Variants in GAS2 observed in about 807,000 individuals in gnomAD.
GAS2 encodes growth arrest-specific protein 2.
GAS2 carries 20 observed loss-of-function variants against 37.5 expected under a neutral mutation model. That is an observed-to-expected ratio of 0.53 (90% confidence interval 0.37 to 0.77). The LOEUF (loss-of-function observed/expected upper bound fraction) is 0.77, where lower values mean the gene tolerates loss of function less well. Ranked by LOEUF, GAS2 falls within the 30% of genes least tolerant of loss-of-function variation. GAS2 has a pLI of 0.00. For synonymous variants in GAS2, 144 were observed against 132.2 expected (o/e 1.09, Z -0.61); for missense variants, 336 against 373.4 (o/e 0.90, Z 0.82).
At position 22,789,423 on chromosome 11, in the gene GAS2, GAGATAT is replaced by G. The variant is rs1356733790; in HGVS notation, c.724-22373_724-22368del. On this transcript the variant is annotated intron_variant, in intron 7 of 7. Coordinates refer to ENST00000454584, the MANE Select transcript of GAS2 (RefSeq NM_001143830.3). ...GTGTGTATGTGTGTGTATCTCATATGAGATATATATATATATATATATATATATATA... is the reference window on the plus strand; with the variant it reads ...GTGTGTATGTGTGTGTATCTCATATGATATATATATATATATATATATATA... Among the ~76,000 whole-genome samples the G allele has an allele frequency of 3.4e-3, 243 of 71,162 alleles. 27 individuals carry two copies. The highest frequency in any genetic ancestry group is 0.013 in the African/African-American group (218 of 17,328). The allele number at this position is 71,162 out of a possible 152,430, so 46.7% of individuals were successfully genotyped here.
chr11:22,709,479 C>G (rs1273654012), intron 3 of GAS2, among the ~76,000 whole-genome samples: 2 of 152,058 alleles, frequency 1.3e-5, no homozygotes, highest in African/African-American at 2.4e-5. Flanking sequence ...ATTTAATTCT[C>G]AAAACATGTT....
intron 7 of GAS2, among the ~76,000 whole-genome samples, chr11:22,792,429 AT>A (rs1778474900): frequency 6.6e-6 from 1 of 152,268 alleles, no homozygotes; most frequent in African/African-American, 2.4e-5. Context: ...AAATGAGAGA[AT>A]AGAAATATAA....
At chr11:22,636,148 G>T (rs749723141) in intron 1 of GAS2, among the ~76,000 whole-genome samples, 3 of 152,078 alleles carry the variant, frequency 2.0e-5, no homozygotes. Context: ...TTAAATTCCT[G>T]TGTTGCTTCT....
At chr11:22,733,025 C>T (rs1852561423) in intron 4 of GAS2, among the ~76,000 whole-genome samples, 1 of 151,192 alleles carries the variant, frequency 6.6e-6, no homozygotes, top group African/African-American at 2.4e-5. Flanking sequence ...TGGATAGGTC[C>T]CCAAATTTGC....
At chr11:22,665,099 C>G (rs990075024), upstream of GAS2, among the ~76,000 whole-genome samples, 2 of 151,736 alleles carry the variant, frequency 1.3e-5, no homozygotes, top group African/African-American at 4.8e-5. Context: ...CTTTTTTTCC[C>G]CAAACTGTAT....
chr11:22,756,812 A>C (rs956748424), intron 7 of GAS2, among the ~76,000 whole-genome samples: 4 of 152,178 alleles, frequency 2.6e-5, no homozygotes, highest in Admixed American at 2.6e-4. Flanking sequence ...AGGATATAAC[A>C]ATGTGTTATT....
intron 2 of GAS2, among the ~76,000 whole-genome samples, chr11:22,683,766 A>G (rs1289503687): frequency 6.6e-6 from 1 of 151,822 alleles, no homozygotes; most frequent in Non-Finnish European, 1.5e-5. Context: ...GTTCATTCAC[A>G]TGCTCACTGA....
intron 2 of GAS2, among the ~76,000 whole-genome samples, chr11:22,684,880 A>C (rs1849864725): frequency 6.6e-6 from 1 of 152,218 alleles, no homozygotes; most frequent in East Asian, 1.9e-4. Context: ...TACCTGTATT[A>C]TTTTAATCAG....
At chr11:22,681,156 T>C (rs1849664587) in intron 2 of GAS2, among the ~76,000 whole-genome samples, 3 of 152,194 alleles carry the variant, frequency 2.0e-5, no homozygotes, top group Admixed American at 2.0e-4. Flanking sequence ...TTAAAAGGAT[T>C]ATTTTTTCCA....
intron 1 of GAS2, among the ~76,000 whole-genome samples, chr11:22,655,019 C>A (rs748584721): frequency 1.5e-4 from 23 of 152,110 alleles, no homozygotes; most frequent in Non-Finnish European, 2.5e-4. Context: ...TAAGTCCAAA[C>A]GTCTTAAAAT....
chr11:22,745,725 A>G (rs1354022744), intron 5 of GAS2, among the ~76,000 whole-genome samples: 1 of 152,224 alleles, frequency 6.6e-6, no homozygotes, highest in African/African-American at 2.4e-5. Flanking sequence ...CAGAATCCAT[A>G]AGAAACTTAA....
At chr11:22,652,550 C>G (rs950161719) in intron 1 of GAS2, among the ~76,000 whole-genome samples, 1 of 152,226 alleles carries the variant, frequency 6.6e-6, no homozygotes, top group African/African-American at 2.4e-5. Context: ...TGATCTCAGA[C>G]TGCTGTACTA....
At chr11:22,733,451 G>T (rs548473196) in intron 4 of GAS2, among the ~76,000 whole-genome samples, 1 of 151,744 alleles carries the variant, frequency 6.6e-6, no homozygotes, top group African/African-American at 2.4e-5. Context: ...TAGTTATATA[G>T]AAACCAAATG....
chr11:22,700,951 C>T (rs1192401765), intron 3 of GAS2, among the ~76,000 whole-genome samples: 1 of 152,072 alleles, frequency 6.6e-6, no homozygotes, highest in Non-Finnish European at 1.5e-5. Flanking sequence ...TCTTTTGCAT[C>T]TTTTTCCCAA....
Position 22,641,200 on chromosome 11 carries a change from T to TTATATATA in GAS2, c.-21+15399_-21+15406dup, listed in dbSNP as rs370488494. Among the ~76,000 whole-genome samples the TTATATATA allele has an allele frequency of 8.1e-3, 1,098 of 135,270 alleles. 7 individuals carry two copies. Among genetic ancestry groups the TTATATATA allele is most frequent in the East Asian group, 0.019 (87 of 4,654 alleles). 88.7% of individuals were successfully genotyped at this position (135,270 alleles called of 152,430 possible). ...AGGTTCCAGGATTCTGGTTCTTTCT[T>TTATATATA]TATATATATATATATATATGTGTGT... On this transcript the variant is annotated intron_variant, in intron 1 of 5. Coordinates refer to the GAS2 transcript ENST00000528582.
At chr11:22,629,815 T>G (rs1238337423) in intron 1 of GAS2, among the ~76,000 whole-genome samples, 1 of 152,202 alleles carries the variant, frequency 6.6e-6, no homozygotes, top group African/African-American at 2.4e-5. Context: ...TTAGTTTAAT[T>G]AAGTCTCACT....
intron 3 of GAS2, among the ~76,000 whole-genome samples, chr11:22,697,664 C>G (rs1195399990): frequency 6.6e-6 from 1 of 152,124 alleles, no homozygotes; most frequent in East Asian, 1.9e-4. Context: ...CTTCACGTCC[C>G]TTGTAATTTG....
At chr11:22,805,755 G>A (rs1856853962) in intron 7 of GAS2, among the ~76,000 whole-genome samples, 1 of 152,180 alleles carries the variant, frequency 6.6e-6, no homozygotes, top group Admixed American at 6.5e-5. Flanking sequence ...AAACATCCCT[G>A]AGTGCTGTTG....
chr11:22,773,381 T>G (rs1590114535), intron 7 of GAS2, among the ~76,000 whole-genome samples: 2 of 129,498 alleles, frequency 1.5e-5, no homozygotes, highest in East Asian at 4.9e-4. Flanking sequence ...ATGTCACACC[T>G]CAATCTTTTT....
Sources: allele counts gnomAD v4.1 joint callset (sites outside exome capture counted in the v4.1 genomes callset), GRCh38; gene constraint gnomAD v4.1.1; transcripts MANE v1.5; gene names NCBI Gene and HGNC (gene_info 2026-07-23, HGNC 2026-07-21).